TRIO: variants seen among roughly 807,000 people sequenced by gnomAD.
The protein encoded by TRIO is trio Rho guanine nucleotide exchange factor.
Under a neutral mutation model 351.9 loss-of-function variants are expected in TRIO, and 58 were observed. The observed-to-expected ratio is 0.16, with a 90% confidence interval of 0.13 to 0.21. The LOEUF is 0.21. Ranked by LOEUF, TRIO falls within the 10% of genes least tolerant of loss-of-function variation. TRIO has a pLI of 1.00. For missense variants in TRIO, 3,201 were observed against 4,027.8 expected, an observed-to-expected ratio of 0.79 and a Z score of 5.56; for synonymous variants, 1,758 against 1,595.7, an observed-to-expected ratio of 1.10 and a Z score of -2.42.
In TRIO at chr5:14,462,852, A is replaced by C. The variant is rs2126507345; in HGVS notation, c.5594A>C (p.Asp1865Ala). Residue 1865 changes from aspartate to alanine, a missense_variant, in exon 36 of 57, where the codon GAC (aspartate) becomes GCC (alanine). This residue lies in a region of TRIO where 307 missense variants were observed against 396.5 expected (regional missense o/e 0.77). Coordinates refer to ENST00000344204, the MANE Select transcript of TRIO (RefSeq NM_007118.4). ...GAAGAGGAAGGCGAGGAGGGGGCCG[A>C]CGCCGTGCCCCTGCCGCCACCCATG... ...CGEEEGEEGADAVPLPPPMAI... is the reference protein window; with the variant it reads ...CGEEEGEEGAAAVPLPPPMAI... The C allele has an allele frequency of 6.2e-7, 1 of 1,613,528 alleles. No individual in the cohort carries two copies. The highest frequency in any genetic ancestry group is 8.5e-7 in the Non-Finnish European group (1 of 1,179,754).
At chr5:14,154,304 G>A (rs1388618931) in intron 1 of TRIO, among the ~76,000 whole-genome samples, 2 of 152,140 alleles carry the variant, frequency 1.3e-5, no homozygotes, top group Non-Finnish European at 2.9e-5. Context: ...AACACTACCA[G>A]GGCTTCCTTT....
rs192580200 is a variant in TRIO at position 14,450,925 on chromosome 5, C to G, written c.5204-10094C>G. 1.6e-4 allele frequency among the ~76,000 whole-genome samples: 25 copies of G among 152,288 alleles called. No individual in the cohort carries two copies. The South Asian group carries it at 5.0e-3, about 30-fold the overall frequency. Reference sequence around the variant, plus strand: ...AGGAACAAATTAAGACTCACTAGTACTCACAGACAGATGATACACCAAACA... The same window carrying G: ...AGGAACAAATTAAGACTCACTAGTAGTCACAGACAGATGATACACCAAACA... On this transcript the variant is annotated intron_variant, in intron 34 of 56. Coordinates refer to ENST00000344204, the MANE Select transcript of TRIO (RefSeq NM_007118.4).
In TRIO at chr5:14,387,759, C is replaced by A; in HGVS notation, c.3793C>A (p.Pro1265Thr). The change falls in exon 23 of 57, where the codon CCA becomes ACA. Residue 1265 changes from proline (P) to threonine (T), a missense_variant. Coordinates refer to ENST00000344204, the MANE Select transcript of TRIO (RefSeq NM_007118.4). Reference protein sequence around the residue: ...SSKSLQLDIIPASIPGSEVKL... With the variant: ...SSKSLQLDIITASIPGSEVKL... ...TAAAAGTCTCCAGCTAGATATCATT[C>A]CAGCCAGTATCCCTGGCTCAGAGGT... 1.2e-6 allele frequency: 2 copies of A among 1,614,230 alleles called. No homozygotes were observed. Among genetic ancestry groups the A allele is most frequent in the Non-Finnish European group, 1.7e-6 (2 of 1,180,032 alleles).
chr5:14,241,433 GAATT>G (rs1794123499), intron 1 of TRIO, among the ~76,000 whole-genome samples: 1 of 152,178 alleles, frequency 6.6e-6, no homozygotes, highest in South Asian at 2.1e-4. Context: ...GCAAGCTAGT[GAATT>G]AAGCTTTTCG....
At chr5:14,364,558 A>G in intron 14 of TRIO, 92 bp from the exon 15 acceptor site, 1 of 1,474,848 alleles carries the variant, frequency 6.8e-7, no homozygotes, top group East Asian at 2.3e-5. Flanking sequence ...TGGGCAGATC[A>G]TTCACAAAAG....
In TRIO at chr5:14,487,682, C is replaced by G; in HGVS notation, c.7054C>G (p.Leu2352Val). 1 of 1,418,646 alleles carries G rather than the reference C, an allele frequency of 7.0e-7. No homozygotes were observed. 87.9% of individuals were successfully genotyped at this position (1,418,646 alleles called of 1,614,324 possible). The stretch of plus-strand genomic sequence containing the variant: ...GCCTGTCCGACACCACCCCCCCGTG[C>G]TGGTCTCCTCTGCAGCCTCGAGCCA... Reference protein sequence around the residue: ...PQPVRHHPPVLVSSAASSQAE... With the variant: ...PQPVRHHPPVVVSSAASSQAE... The change falls in exon 48 of 57, where the codon CTG becomes GTG. Residue 2352 changes from leucine (L) to valine (V), a missense_variant. Around this residue, in one of 19 missense-constraint regions of TRIO, gnomAD observed 1,089 missense variants for 954.9 expected, o/e 1.14. Coordinates refer to ENST00000344204, the MANE Select transcript of TRIO (RefSeq NM_007118.4).
At chr5:14,506,411 G>A (rs1008641161) in intron 55 of TRIO, among the ~76,000 whole-genome samples, 6 of 152,336 alleles carry the variant, frequency 3.9e-5, no homozygotes, top group African/African-American at 1.4e-4. Flanking sequence ...GTTGAGAGAG[G>A]TGGGGGCCAG....
intron 49 of TRIO, among the ~76,000 whole-genome samples, chr5:14,496,634 A>G (rs1756912665): frequency 6.6e-6 from 1 of 152,224 alleles, no homozygotes; most frequent in African/African-American, 2.4e-5. Context: ...GTCAAGTTAC[A>G]CATAAAATCA....
intron 49 of TRIO, among the ~76,000 whole-genome samples, chr5:14,493,052 A>G (rs1756607668): frequency 1.3e-5 from 2 of 152,208 alleles, no homozygotes; most frequent in Non-Finnish European, 2.9e-5. Flanking sequence ...CACATTGTTG[A>G]GGAATCCCAT....
Position 14,286,075 on chromosome 5 carries a change from A to C in TRIO, c.348-796A>C, listed in dbSNP as rs1245759310. 1.3e-5 allele frequency among the ~76,000 whole-genome samples: 2 copies of C among 152,116 alleles called. No homozygotes were observed. The highest frequency in any genetic ancestry group is 2.9e-5 in the Non-Finnish European group (2 of 68,022). On this transcript the variant is annotated intron_variant, in intron 3 of 56. Transcript: ENST00000344204. This position sits in a 1 kb window ranked among gnomAD's most constrained non-coding sequence, Gnocchi z 4.4. ...GTAGTCAGTGGTTGAGATTTAATAC[A>C]ATTAGAAGCTGGCACTTTTTTTTTT...
chr5:14,178,617 A>T (rs557998510), intron 1 of TRIO, among the ~76,000 whole-genome samples: 8 of 152,160 alleles, frequency 5.3e-5, no homozygotes, highest in Non-Finnish European at 1.0e-4. Context: ...TCAAGCTAGG[A>T]TGTGTGATGA....
chr5:14,146,399 C>T (rs1787525432), intron 1 of TRIO, among the ~76,000 whole-genome samples: 1 of 152,204 alleles, frequency 6.6e-6, no homozygotes, highest in East Asian at 1.9e-4. Flanking sequence ...CCATTGCTTG[C>T]CTTTCCTTTC....
At chr5:14,415,980 G>A (rs1749610426) in intron 33 of TRIO, among the ~76,000 whole-genome samples, 1 of 151,666 alleles carries the variant, frequency 6.6e-6, no homozygotes, top group South Asian at 2.1e-4. Context: ...TTCACAAATT[G>A]CAATCCTAAA....
At chr5:14,264,993 C>G (rs1479894292) in intron 1 of TRIO, among the ~76,000 whole-genome samples, 2 of 152,134 alleles carry the variant, frequency 1.3e-5, no homozygotes, top group Non-Finnish European at 2.9e-5. Context: ...TACTATTTAA[C>G]CTTCTTTTTC....
intron 7 of TRIO, among the ~76,000 whole-genome samples, chr5:14,303,309 A>T (rs2697664): frequency 8.5e-6 from 1 of 117,804 alleles, no homozygotes; most frequent in Admixed American, 9.5e-5. Flanking sequence ...TTGAGCCGGG[A>T]TTGGGATGGC....
In TRIO at chr5:14,481,532, C is replaced by T. The variant is rs1435154219; in HGVS notation, c.6388-9C>T. 24 of 1,614,090 alleles carry T rather than the reference C, an allele frequency of 1.5e-5. No individual in the cohort carries two copies. In the East Asian group the frequency reaches 5.3e-4, roughly 36 times the overall value. On this transcript the variant is annotated splice_polypyrimidine_tract_variant and intron_variant, in intron 44 of 56. Transcript: ENST00000344204. Reference sequence around the variant, plus strand: ...TTGAGCTTTCACTCTTCTCTCTCCCCTCCCACAGAGAGCTGTGGAAGTCAT... The same window carrying T: ...TTGAGCTTTCACTCTTCTCTCTCCCTTCCCACAGAGAGCTGTGGAAGTCAT...
At chr5:14,418,192 G>C (rs1042726464) in intron 33 of TRIO, among the ~76,000 whole-genome samples, 2 of 152,182 alleles carry the variant, frequency 1.3e-5, no homozygotes, top group Non-Finnish European at 2.9e-5. Flanking sequence ...GGGATGGTAT[G>C]GGCTACTTAC....
At chr5:14,238,738 G>A (rs887660638) in intron 1 of TRIO, among the ~76,000 whole-genome samples, 2 of 152,154 alleles carry the variant, frequency 1.3e-5, no homozygotes, top group Admixed American at 6.5e-5. Context: ...TCTTTTTAAA[G>A]AGAAAAGTTT....
chr5:14,336,951 TAAAG>T (rs1741472107), intron 11 of TRIO, among the ~76,000 whole-genome samples: 1 of 152,112 alleles, frequency 6.6e-6, no homozygotes, highest in Non-Finnish European at 1.5e-5. Flanking sequence ...GGGCTTTCCA[TAAAG>T]AGAGGACCCA....
Sources: allele counts gnomAD v4.1 joint callset (sites outside exome capture counted in the v4.1 genomes callset), GRCh38; gene constraint gnomAD v4.1.1; regional missense constraint gnomAD v4.1.1; non-coding constraint Gnocchi (gnomAD v3.1); transcripts MANE v1.5; gene names NCBI Gene and HGNC (gene_info 2026-07-23, HGNC 2026-07-21).